PI4K2B: variants seen among roughly 807,000 people sequenced by gnomAD.
PI4K2B encodes the protein phosphatidylinositol 4-kinase type 2 beta.
PI4K2B carries 46 observed loss-of-function variants against 56.6 expected under a neutral mutation model. The observed-to-expected ratio is 0.81, with a 90% CI of 0.64 to 1.04. PI4K2B has a LOEUF of 1.04. PI4K2B is among the 50% of genes least tolerant of loss of function. PI4K2B has a pLI of 0.00. For synonymous variants in PI4K2B, 211 were observed against 223.8 expected, an observed-to-expected ratio of 0.94 and a Z score of 0.51; for missense variants, 556 against 607.7, an observed-to-expected ratio of 0.91 and a Z score of 0.89.
In PI4K2B at chr4:25,256,652, A is replaced by G. The variant is rs780606732; in HGVS notation, c.734A>G (p.His245Arg). ...GTGCCAAAAGTGGGTAGAAAGTTTC[A>G]TAGGATAGGACTCCCTCCTAAGGTA... Reference protein sequence around the residue: ...EKVPKVGRKFHRIGLPPKIGS... With the variant: ...EKVPKVGRKFRRIGLPPKIGS... Residue 245 changes from histidine to arginine, a missense_variant, in exon 4 of 10, where the codon CAT (histidine) becomes CGT (arginine). His to Arg is a conservative substitution (Grantham distance 29). Transcript: ENST00000264864. The G allele has an allele frequency of 6.8e-6, 11 of 1,613,932 alleles. No homozygotes were observed. In the South Asian group the frequency reaches 1.2e-4, roughly 18 times the overall value.
In PI4K2B at chr4:25,268,481, C is replaced by G. The variant is rs759806533; in HGVS notation, c.1117C>G (p.Pro373Ala). 3.0e-5 allele frequency: 48 copies of G among 1,604,246 alleles called. No individual in the cohort carries two copies. Among genetic ancestry groups the G allele is most frequent in the Non-Finnish European group, 3.9e-5 (46 of 1,174,838 alleles). Reference protein sequence around the residue: ...HWAWLPQAKVPFSEEIRNLIL... With the variant: ...HWAWLPQAKVAFSEEIRNLIL... ...GGCTTGGCTTCCTCAAGCAAAAGTT[C>G]CCTTTTCTGAAGAAATAAGAAATTT... The change falls in exon 8 of 10, where the codon CCC becomes GCC. Residue 373 changes from proline (P) to alanine (A), a missense_variant. Transcript: ENST00000264864.
At position 25,268,462 on chromosome 4, in the gene PI4K2B, G is replaced by T. The variant is rs774122949; in HGVS notation, c.1098G>T (p.Trp366Cys). The T allele has an allele frequency of 8.7e-6, 14 of 1,604,576 alleles. No individual in the cohort carries two copies. In the Admixed American group the frequency reaches 2.2e-4, roughly 25 times the overall value. ...EWRAYPFHWA[W>C]LPQAKVPFSE... ...TATTAGATCCATTTCACTGGGCTTG[G>T]CTTCCTCAAGCAAAAGTTCCCTTTT... The change falls in exon 8 of 10, where the codon TGG becomes TGT. Residue 366 changes from tryptophan (W) to cysteine (C), a missense_variant. Physicochemically the swap from Trp to Cys is radical, Grantham distance 215. Coordinates refer to ENST00000264864, the MANE Select transcript of PI4K2B (RefSeq NM_018323.4).
chr4:25,255,794 CTGCAGCCTCATCCTGCTGGGCTCAGG>C (rs919293267), intron 3 of PI4K2B, among the ~76,000 whole-genome samples: 19 of 149,872 alleles, frequency 1.3e-4, no homozygotes, highest in East Asian at 1.2e-3. Context: ...TCATGGCTCA[CTGCAGCCTCATCCTGCTGGGCTCAGG>C]TGCAGCCTCA....
intron 1 of PI4K2B, among the ~76,000 whole-genome samples, chr4:25,244,915 C>A (rs1715692946): frequency 6.6e-6 from 1 of 152,160 alleles, no homozygotes; most frequent in African/African-American, 2.4e-5. Context: ...CCTAAGCATT[C>A]TCCTGTTAGT....
At chr4:25,261,615 A>G (rs905030880) in intron 6 of PI4K2B, among the ~76,000 whole-genome samples, 7 of 152,234 alleles carry the variant, frequency 4.6e-5, no homozygotes, top group Non-Finnish European at 1.0e-4. Context: ...TATCAAGGAT[A>G]TTTAAAAATA....
chr4:25,263,130 C>G (rs1410055343), intron 6 of PI4K2B, among the ~76,000 whole-genome samples: 1 of 152,118 alleles, frequency 6.6e-6, no homozygotes, highest in Non-Finnish European at 1.5e-5. Context: ...GAAACTGCCC[C>G]CATGATCCGA....
At chr4:25,239,601 G>A (rs532902325) in intron 1 of PI4K2B, among the ~76,000 whole-genome samples, 147 of 152,244 alleles carry the variant, frequency 9.7e-4, no homozygotes, top group Non-Finnish European at 1.3e-3. Context: ...CCCAGTTCCC[G>A]CCCACACCTG....
chr4:25,276,894 GTC>G lies in PI4K2B; in HGVS notation c.1273-116_1273-115del, dbSNP rs972413758. 24 of 1,379,210 alleles carry G rather than the reference GTC, an allele frequency of 1.7e-5. No homozygotes were observed. The African/African-American group carries it at 3.3e-4, about 19-fold the overall frequency. The allele number at this position is 1,379,210 out of a possible 1,614,324, so 85.4% of individuals were successfully genotyped here. A position where few individuals can be genotyped will look rare whatever the true frequency, so the allele number is the denominator to read the frequency against. ...TTTATAACAGGTACTTATCTTCACAGTCTCTGTTGCTCATAAATGGATGAAAT... is the reference window on the plus strand; with the variant it reads ...TTTATAACAGGTACTTATCTTCACAGTCTGTTGCTCATAAATGGATGAAAT... On this transcript the variant is annotated intron_variant, in intron 9 of 9. Coordinates refer to ENST00000264864, the MANE Select transcript of PI4K2B (RefSeq NM_018323.4).
chr4:25,237,791 T>A (rs572791823), intron 1 of PI4K2B, among the ~76,000 whole-genome samples: 1 of 152,304 alleles, frequency 6.6e-6, no homozygotes, highest in South Asian at 2.1e-4. Context: ...GGCAGGAGGA[T>A]TGCTTGAGTC....
chr4:25,249,414 G>A (rs903396631), intron 1 of PI4K2B, among the ~76,000 whole-genome samples: 61 of 142,710 alleles, frequency 4.3e-4, no homozygotes, highest in African/African-American at 1.4e-3. Context: ...TCCACCCCCC[G>A]GACAGGGCGG....
chr4:25,275,749 G>A (rs1169640358), intron 9 of PI4K2B, among the ~76,000 whole-genome samples: 1 of 152,124 alleles, frequency 6.6e-6, no homozygotes, highest in Non-Finnish European at 1.5e-5. Flanking sequence ...CTATAACACT[G>A]TTACTAGTAA....
At position 25,255,236 on chromosome 4, in the gene PI4K2B, C is replaced by T; in HGVS notation, c.595C>T (p.Leu199Phe). The T allele has an allele frequency of 6.2e-7, 1 of 1,614,068 alleles. No homozygotes were observed. Among genetic ancestry groups the T allele is most frequent in the Non-Finnish European group, 8.5e-7 (1 of 1,179,938 alleles). ...GGGTGCCTATCTTGTGGACAACAAG[C>T]TTCATCTGAGCATTGTACCTAAAAC... is the stretch of plus-strand genomic sequence containing the variant. ...EAGAYLVDNK[L>F]HLSIVPKTKV... The change falls in exon 3 of 10, where the codon CTT becomes TTT. Residue 199 changes from leucine to phenylalanine, a missense_variant. Coordinates refer to ENST00000264864, the MANE Select transcript of PI4K2B (RefSeq NM_018323.4).
rs556785238 is a variant in PI4K2B, at chr4:25,243,489, C to A, written c.269-8832C>A. Among the ~76,000 whole-genome samples, 79 of 152,334 alleles carry A rather than the reference C, an allele frequency of 5.2e-4. No homozygotes were observed. The Middle Eastern group carries it at 0.014, about 26-fold the overall frequency. ...CCATGACTAAGGCTGCGGCCTTTCT[C>A]TGATCTTGCTTTTCCTTTTGGGCCC... On this transcript the variant is annotated intron_variant, in intron 1 of 9. Transcript: ENST00000264864.
chr4:25,273,054 AGCCG>A (rs1716961760), intron 9 of PI4K2B, among the ~76,000 whole-genome samples: 1 of 152,110 alleles, frequency 6.6e-6, no homozygotes, highest in South Asian at 2.1e-4. Context: ...GTTTGTAGTA[AGCCG>A]TTAGTTTTAC....
intron 1 of PI4K2B, among the ~76,000 whole-genome samples, chr4:25,247,100 G>A (rs114936187): frequency 0.017 from 2,529 of 152,370 alleles, 67 homozygotes; most frequent in African/African-American, 0.057. Context: ...CTCAGGCACG[G>A]CCAGAGTGGG....
intron 1 of PI4K2B, among the ~76,000 whole-genome samples, chr4:25,251,771 T>A (rs1233080156): frequency 1.3e-5 from 2 of 151,870 alleles, no homozygotes; most frequent in Non-Finnish European, 2.9e-5. Flanking sequence ...TGAGAGGTAT[T>A]AGTATTATTT....
intron 1 of PI4K2B, among the ~76,000 whole-genome samples, chr4:25,249,379 C>G (rs565572884): frequency 8.8e-6 from 1 of 113,528 alleles, no homozygotes; most frequent in Non-Finnish European, 2.0e-5. Flanking sequence ...ACTTCCCAGA[C>G]GGGGTGGCCG....
intron 7 of PI4K2B, chr4:25,267,855 C>G (rs909120331): frequency 1.0e-6 from 1 of 982,396 alleles, no homozygotes; most frequent in Non-Finnish European, 1.2e-6. Flanking sequence ...TTTAGAACAT[C>G]TTCTGTGTAC....
At position 25,246,257 on chromosome 4, in the gene PI4K2B, G is replaced by A. The variant is rs746046897; in HGVS notation, c.269-6064G>A. ...CTGCTGGTTCGGGCAGCCTGCTTTT[G>A]TTCCCTTATCTGGCCCCACCCACAT... On this transcript the variant is annotated intron_variant, in intron 1 of 9. Coordinates refer to ENST00000264864, the MANE Select transcript of PI4K2B (RefSeq NM_018323.4). 1.1e-3 allele frequency among the ~76,000 whole-genome samples: 173 copies of A among 152,204 alleles called. 2 individuals are homozygous for A. The highest frequency in any genetic ancestry group is 2.2e-3 in the Admixed American group (34 of 15,296).
Sources: gnomAD v4.1 joint callset for allele counts (sites outside exome capture counted in the v4.1 genomes callset) on GRCh38, gnomAD v4.1.1 for gene constraint, MANE v1.5 for transcripts, NCBI Gene and HGNC (gene_info 2026-07-23, HGNC 2026-07-21) for gene names.